BAP1: variants seen among roughly 807,000 people sequenced by gnomAD.
BAP1 encodes ubiquitin carboxyl-terminal hydrolase BAP1.
In BAP1, 16 loss-of-function variants were observed where a neutral mutation model predicts 77.2. The ratio of observed to expected loss-of-function variants is 0.21; its 90% CI spans 0.14 to 0.31. The LOEUF (loss-of-function observed/expected upper bound fraction) is 0.31. Among genes scored for constraint, BAP1 ranks in the 10% least tolerant of loss-of-function variants. The pLI is 1.00. For missense variants in BAP1, 699 were observed against 967.3 expected (o/e 0.72, Z 3.68); for synonymous variants, 362 against 385.2 (o/e 0.94, Z 0.71).
chr3:52,407,588 T>C (rs1031921435), intron 5 of BAP1, 128 bp from the exon 6 acceptor site: 1 of 1,328,860 alleles, frequency 7.5e-7, no homozygotes, highest in African/African-American at 1.4e-5. Context: ...ACGAACTTTC[T>C]TAAAAGGCTG....
chr3:52,403,539 C>T lies in BAP1; in HGVS notation c.1606G>A (p.Asp536Asn), dbSNP rs1003125689. ...ATGCAGTCAACACGCAGCAGGCTGT[C>T]ATCCTCTCCAAAAAGCACCTTGGAG... ...HISKVLFGEDDSLLRVDCIRY... is the reference protein window; with the variant it reads ...HISKVLFGEDNSLLRVDCIRY... Residue 536 changes from aspartate (D) to asparagine (N), a missense_variant, in exon 13 of 17, where the codon GAC becomes AAC. Asp to Asn is a conservative substitution (Grantham distance 23). This residue lies in a region of BAP1 where 475 missense variants were observed against 532.4 expected (regional missense o/e 0.89). Transcript: ENST00000460680. The surrounding 1 kb of genome is among the most constrained non-coding windows in gnomAD (Gnocchi z 4.0). 1 of 1,613,990 alleles carries T rather than the reference C, an allele frequency of 6.2e-7. No homozygotes were observed. The highest frequency in any genetic ancestry group is 8.5e-7 in the Non-Finnish European group (1 of 1,180,018).
rs985715324 is a variant in BAP1, at chr3:52,405,189, A to G, written c.1037T>C (p.Val346Ala). The change falls in exon 11 of 17, where the codon GTT becomes GCT. Residue 346 changes from valine to alanine, a missense_variant. Val to Ala is a moderately conservative substitution (Grantham distance 64, BLOSUM62 0). Coordinates refer to ENST00000460680, the MANE Select transcript of BAP1 (RefSeq NM_004656.4). The stretch of plus-strand genomic sequence containing the variant: ...GACAATGGGAGTGGGGTTGGGGTGA[A>G]CCCCATTGAGGCTGCTGCCTGGAGG... Reference protein sequence around the residue: ...VKPPGSSLNGVHPNPTPIVQR... With the variant: ...VKPPGSSLNGAHPNPTPIVQR... The G allele has an allele frequency of 1.2e-6, 2 of 1,613,910 alleles. No homozygotes were observed. The highest frequency in any genetic ancestry group is 2.7e-5 in the African/African-American group (2 of 74,888).
Position 52,404,606 on chromosome 3 carries a change from A to T in BAP1, c.1117-20T>A, listed in dbSNP as rs1407877649. On this transcript the variant is annotated intron_variant, in intron 11 of 16. Transcript: ENST00000460680. ...TTCCTCCTGGGACAAAGACCAGGGC[A>T]GTTACAAACAAGTGCTGCTCGGCCC... 2.5e-6 allele frequency: 4 copies of T among 1,610,222 alleles called. No homozygotes were observed.
chr3:52,403,357 C>T lies in BAP1; in HGVS notation c.1729+59G>A, dbSNP rs142522470. On this transcript the variant is annotated intron_variant, in intron 13 of 16. Coordinates refer to ENST00000460680, the MANE Select transcript of BAP1 (RefSeq NM_004656.4). This position sits in a 1 kb window ranked among gnomAD's most constrained non-coding sequence, Gnocchi z 4.0. ...TGCAGGACACTTTGTGGTCACTTGGCCACTTCCCTCCTCCCTCCTGGGTGC... is the reference window on the plus strand; with the variant it reads ...TGCAGGACACTTTGTGGTCACTTGGTCACTTCCCTCCTCCCTCCTGGGTGC... The T allele has an allele frequency of 1.5e-4, 238 of 1,611,950 alleles. No individual in the cohort carries two copies. The African/African-American group carries it at 3.0e-3, about 20-fold the overall frequency.
rs1559591113 is a variant in BAP1, at chr3:52,407,976, G to C, written c.357C>G (p.Thr119=). The change falls in exon 5 of 17, where the codon ACC becomes ACG. Residue 119 remains threonine, a synonymous_variant. Coordinates refer to ENST00000460680, the MANE Select transcript of BAP1 (RefSeq NM_004656.4). ...GPTLSRMKDF[T]KGFSPESKGY... ...AGCCTACCTCAGGGCTGAAACCCTT[G>C]GTGAAGTCCTTCATGCGACTCAGGG... 2.5e-6 allele frequency: 4 copies of C among 1,613,972 alleles called. No homozygotes were observed.
chr3:52,408,395 T>A (rs2153228227), intron 4 of BAP1, 79 bp downstream of exon 4: 6 of 1,567,616 alleles, frequency 3.8e-6, no homozygotes, highest in Non-Finnish European at 5.2e-6. Context: ...CTCCTCCTCC[T>A]GTCTTCCTCC....
intron 10 of BAP1, chr3:52,405,499 A>AAG: frequency 1.7e-6 from 1 of 581,246 alleles, no homozygotes; most frequent in South Asian, 2.3e-5. Flanking sequence ...GAAGAAAAAA[A>AAG]AAAAAAAAAA....
chr3:52,407,543 G>A lies in BAP1; in HGVS notation c.376-83C>T, dbSNP rs539101808. On this transcript the variant is annotated intron_variant, in intron 5 of 16. Transcript: ENST00000460680. ...GTGGAAGGCAAAGCTTCAGAGAGCA[G>A]CCTGGAGGCATTCCAGGAATCGGAA... is the stretch of plus-strand genomic sequence containing the variant. The A allele has an allele frequency of 2.5e-6, 4 of 1,570,466 alleles. No individual in the cohort carries two copies. In the South Asian group the frequency reaches 4.5e-5, roughly 17 times the overall value.
At chr3:52,404,703 T>C in intron 11 of BAP1, 117 bp from the exon 12 acceptor site, 2 of 1,431,206 alleles carry the variant, frequency 1.4e-6, no homozygotes, top group East Asian at 5.0e-5. Context: ...GCGGAACCCC[T>C]CCAGCTGTTC....
rs1705103424 is a variant in BAP1 at position 52,405,030 on chromosome 3, G to C, written c.1116+80C>G. The C allele has an allele frequency of 7.6e-6, 12 of 1,583,442 alleles. No individual in the cohort carries two copies. In the South Asian group the frequency reaches 1.3e-4, roughly 18 times the overall value. On this transcript the variant is annotated intron_variant, in intron 11 of 16. Transcript: ENST00000460680. ...CAGCCATGCCAAGGATGAACACCAA[G>C]GAACCACATGGGAAAATTGCCTGTT... is the stretch of plus-strand genomic sequence containing the variant.
rs1158666923 is a variant in BAP1, at chr3:52,408,621, G to A, written c.123-15C>T. ...CATATACAGGGCTGGGGGAAGTAAGGGGCAGAGCCAGATCAGCCAAAGGGG... is the reference window on the plus strand; with the variant it reads ...CATATACAGGGCTGGGGGAAGTAAGAGGCAGAGCCAGATCAGCCAAAGGGG... On this transcript the variant is annotated splice_polypyrimidine_tract_variant and intron_variant, in intron 3 of 16. Transcript: ENST00000460680. The A allele has an allele frequency of 6.2e-7, 1 of 1,606,736 alleles. No homozygotes were observed. The highest frequency in any genetic ancestry group is 8.5e-7 in the Non-Finnish European group (1 of 1,176,522).
At chr3:52,405,743 G>A (rs2153227193) in intron 10 of BAP1, 22 bp downstream of exon 10, 2 of 1,612,358 alleles carry the variant, frequency 1.2e-6, no homozygotes, top group South Asian at 2.2e-5. Context: ...AGGTCCACAA[G>A]AGGTCCCAAA....
rs1705187952 is a variant in BAP1, at chr3:52,407,069, C to T, written c.580+105G>A. The stretch of plus-strand genomic sequence containing the variant: ...CCCCAGCCAGAGCCGGGTGTCGGTA[C>T]CGACAACCCCTGCCACTGGGTACCA... On this transcript the variant is annotated intron_variant, in intron 7 of 16. Coordinates refer to ENST00000460680, the MANE Select transcript of BAP1 (RefSeq NM_004656.4). 1.9e-6 allele frequency: 3 copies of T among 1,579,880 alleles called. No individual in the cohort carries two copies. The Admixed American group carries it at 5.2e-5, about 27-fold the overall frequency.
chr3:52,408,774 G>A (rs923797625), intron 3 of BAP1, among the ~76,000 whole-genome samples, 168 bp from the exon 4 acceptor site: 32 of 152,216 alleles, frequency 2.1e-4, no homozygotes, highest in Non-Finnish European at 3.1e-4. Flanking sequence ...GTGGCCTTGT[G>A]CCCTCACACA....
In BAP1 at chr3:52,406,807, A is replaced by G. The variant is rs1432186364; in HGVS notation, c.659+22T>C. The G allele has an allele frequency of 4.5e-6, 7 of 1,552,760 alleles. No homozygotes were observed. Among genetic ancestry groups the G allele is most frequent in the Non-Finnish European group, 6.1e-6 (7 of 1,147,434 alleles). ...TAGGTACAGCTCCAGAGAGTAGAAC[A>G]GGGCAGGCACAGGGCCCTTACCCTG... On this transcript the variant is annotated intron_variant, in intron 8 of 16. Coordinates refer to ENST00000460680, the MANE Select transcript of BAP1 (RefSeq NM_004656.4). This position sits in a 1 kb window ranked among gnomAD's most constrained non-coding sequence, Gnocchi z 4.6.
At position 52,406,064 on chromosome 3, in the gene BAP1, G is replaced by T; in HGVS notation, c.784-152C>A. The T allele has an allele frequency of 6.7e-7, 1 of 1,492,258 alleles. No homozygotes were observed. Among genetic ancestry groups the T allele is most frequent in the South Asian group, 1.2e-5 (1 of 84,618 alleles). The allele number at this position is 1,492,258 out of a possible 1,614,324, so 92.4% of individuals were successfully genotyped here. A position where few individuals can be genotyped will look rare whatever the true frequency, so the allele number is the denominator to read the frequency against. ...ACACCCAAACCCAAACTTCCTTTTA[G>T]AAGCTATTCTCCCTCCCCACTCCAA... On this transcript the variant is annotated intron_variant, in intron 9 of 16. Coordinates refer to ENST00000460680, the MANE Select transcript of BAP1 (RefSeq NM_004656.4). The surrounding 1 kb of genome is among the most constrained non-coding windows in gnomAD (Gnocchi z 4.6).
chr3:52,405,953 C>T (rs2153227319), intron 9 of BAP1, 41 bp from the exon 10 acceptor site: 3 of 1,612,608 alleles, frequency 1.9e-6, no homozygotes, highest in Non-Finnish European at 2.5e-6. Context: ...AAGGGTAGAC[C>T]CGGGCTTCTA....
chr3:52,404,563 A>G lies in BAP1; in HGVS notation c.1140T>C (p.Gly380=). The G allele has an allele frequency of 2.5e-6, 4 of 1,611,666 alleles. No homozygotes were observed. The highest frequency in any genetic ancestry group is 1.3e-5 in the African/African-American group (1 of 75,020). ...PMQEEEDLAA[G]VGRSRVPVRP... ...GGACTGGAACTCGGCTGCGGCCCAC[A>G]CCTGCCGCCAGGTCTTCTTCCTCCT... The change falls in exon 12 of 17, where the codon GGT becomes GGC. Residue 380 remains glycine (G), a synonymous_variant. Coordinates refer to ENST00000460680, the MANE Select transcript of BAP1 (RefSeq NM_004656.4).
At chr3:52,405,081 A>G (rs770745540) in intron 11 of BAP1, 29 bp downstream of exon 11, 2 of 1,613,192 alleles carry the variant, frequency 1.2e-6, no homozygotes, top group Non-Finnish European at 1.7e-6. Flanking sequence ...AATCAAGTAG[A>G]GAATCCTGCA....
Sources: gnomAD v4.1 joint callset for allele counts (sites outside exome capture counted in the v4.1 genomes callset) on GRCh38, gnomAD v4.1.1 for gene constraint, gnomAD v4.1.1 regional missense constraint, Gnocchi (gnomAD v3.1) non-coding constraint, MANE v1.5 for transcripts, NCBI Gene and HGNC (gene_info 2026-07-23, HGNC 2026-07-21) for gene names.